Variants in PTPN14 observed in about 807,000 individuals in gnomAD.
PTPN14 encodes protein tyrosine phosphatase non-receptor type 14, also known as tyrosine-protein phosphatase non-receptor type 14.
PTPN14 carries 53 observed loss-of-function variants against 126.8 expected under a neutral mutation model. That is an observed-to-expected ratio of 0.42 (90% CI 0.34 to 0.53). The LOEUF is 0.53. PTPN14 is among the 20% of genes least tolerant of loss of function. The pLI is 0.08. For synonymous variants in PTPN14, 630 were observed against 599.3 expected (o/e 1.05, Z -0.75); for missense variants, 1,257 against 1,552.9 (o/e 0.81, Z 3.20).
Position 214,357,385 on chromosome 1 carries a change from T to C in PTPN14, c.*537A>G, listed in dbSNP as rs979154006. The C allele has an allele frequency of 1.3e-5, 2 of 152,296 alleles. No homozygotes were observed. Among genetic ancestry groups the C allele is most frequent in the Admixed American group, 6.5e-5 (1 of 15,292 alleles). The allele number at this position is 152,296 out of a possible 1,614,324, so 9.4% of individuals were successfully genotyped here. A position where few individuals can be genotyped will look rare whatever the true frequency, so the allele number is the denominator to read the frequency against. On this transcript the variant is annotated 3_prime_UTR_variant, in exon 19 of 19. Transcript: ENST00000366956. ...AGAGGAAACTGTCTATCAAGGCTCA[T>C]GAGCCCCAAAATATAAGAGAATCGT...
chr1:214,465,951 CTTTTTTTTT>C (rs71165974), intron 1 of PTPN14, among the ~76,000 whole-genome samples: 1 of 59,024 alleles, frequency 1.7e-5, no homozygotes, highest in South Asian at 8.2e-4. Flanking sequence ...CAGTTACTTC[CTTTTTTTTT>C]TTTTTTTTTT....
chr1:214,389,275 A>G (rs558758208), intron 11 of PTPN14, among the ~76,000 whole-genome samples: 1 of 152,396 alleles, frequency 6.6e-6, no homozygotes, highest in South Asian at 2.1e-4. Context: ...ATGAACTGAC[A>G]TAAATGAGCA....
rs1230547732 is a variant in PTPN14, at chr1:214,349,305, G to T, written c.*8617C>A. On this transcript the variant is annotated 3_prime_UTR_variant, in exon 19 of 19. Transcript: ENST00000366956. ...TGGGTCAGCCCACAAAAGCCAACCAGATCTGGCTATCACAGCCCTCCATTT... is the reference window on the plus strand; with the variant it reads ...TGGGTCAGCCCACAAAAGCCAACCATATCTGGCTATCACAGCCCTCCATTT... The T allele has an allele frequency of 6.6e-6, 1 of 152,244 alleles. No homozygotes were observed. The highest frequency in any genetic ancestry group is 1.9e-4 in the East Asian group (1 of 5,200). The allele number at this position is 152,244 out of a possible 1,614,324, so 9.4% of individuals were successfully genotyped here. A position where few individuals can be genotyped will look rare whatever the true frequency, so the allele number is the denominator to read the frequency against.
rs752536121 is a variant in PTPN14 at position 214,377,939 on chromosome 1, T to C, written c.2688+20A>G. 4 of 1,606,918 alleles carry C rather than the reference T, an allele frequency of 2.5e-6. No homozygotes were observed. The highest frequency in any genetic ancestry group is 3.4e-5 in the Admixed American group (2 of 58,664). On this transcript the variant is annotated intron_variant, in intron 14 of 18. Coordinates refer to ENST00000366956, the MANE Select transcript of PTPN14 (RefSeq NM_005401.5). ...CTAAGACTACAGAGAATGAGTCACA[T>C]TGACAAGCCTGCCACTTACCCTCTC...
chr1:214,515,107 G>T (rs997551422), intron 1 of PTPN14, among the ~76,000 whole-genome samples: 4 of 152,188 alleles, frequency 2.6e-5, no homozygotes, highest in Non-Finnish European at 1.5e-5. Context: ...GGGAATGGCA[G>T]CTTTTCCATG....
At chr1:214,367,165 T>C (rs1658100912) in intron 17 of PTPN14, among the ~76,000 whole-genome samples, 1 of 152,100 alleles carries the variant, frequency 6.6e-6, no homozygotes, top group Admixed American at 6.6e-5. Context: ...TTGGAGAAAA[T>C]TTTAATAAGT....
intron 1 of PTPN14, among the ~76,000 whole-genome samples, chr1:214,502,588 G>C (rs1654734267): frequency 6.6e-6 from 1 of 151,994 alleles, no homozygotes; most frequent in African/African-American, 2.4e-5. Flanking sequence ...CATACTCCCG[G>C]TATCAAGTAA....
At chr1:214,361,357 A>G (rs1380497002) in intron 18 of PTPN14, among the ~76,000 whole-genome samples, 1 of 152,144 alleles carries the variant, frequency 6.6e-6, no homozygotes, top group East Asian at 1.9e-4. Context: ...CTCCTCTACC[A>G]TCATCCCCAT....
Position 214,356,912 on chromosome 1 carries a change from C to T in PTPN14, c.*1010G>A, listed in dbSNP as rs1657834969. ...GTGACCTCAACTTTTAGGTCTCTGT[C>T]CAGCACACACATCTTATTTAAATAA... On this transcript the variant is annotated 3_prime_UTR_variant, in exon 19 of 19. Transcript: ENST00000366956. The T allele has an allele frequency of 1.3e-5, 2 of 152,198 alleles. No individual in the cohort carries two copies. The highest frequency in any genetic ancestry group is 2.1e-4 in the South Asian group (1 of 4,830). 9.4% of individuals were successfully genotyped at this position (152,198 alleles called of 1,614,324 possible). A position where few individuals can be genotyped will look rare whatever the true frequency, so the allele number is the denominator to read the frequency against.
intron 1 of PTPN14, among the ~76,000 whole-genome samples, chr1:214,549,350 T>C (rs1272028871): frequency 1.3e-5 from 2 of 152,234 alleles, no homozygotes; most frequent in Non-Finnish European, 2.9e-5. Flanking sequence ...GATAGTGTTT[T>C]CTATTTTCAT....
chr1:214,533,534 T>TAAAAAA, intron 1 of PTPN14: 1 of 208,808 alleles, frequency 4.8e-6, no homozygotes, highest in Non-Finnish European at 9.1e-6. Context: ...GCGGTTTAAA[T>TAAAAAA]AAAAAAAAAA....
At chr1:214,373,804 T>C (rs1658277850) in intron 15 of PTPN14, among the ~76,000 whole-genome samples, 1 of 152,172 alleles carries the variant, frequency 6.6e-6, no homozygotes, top group East Asian at 1.9e-4. Flanking sequence ...TCACTGCTGC[T>C]CTGTGGTGCC....
At chr1:214,417,028 A>G (rs920507647) in intron 3 of PTPN14, among the ~76,000 whole-genome samples, 1 of 152,106 alleles carries the variant, frequency 6.6e-6, no homozygotes, top group African/African-American at 2.4e-5. Flanking sequence ...AGGAAAAAAA[A>G]AAACAACAAT....
chr1:214,365,251 C>A (rs1479233496), intron 17 of PTPN14, among the ~76,000 whole-genome samples: 2 of 152,114 alleles, frequency 1.3e-5, no homozygotes, highest in Admixed American at 1.3e-4. Context: ...ATGTGAGTAG[C>A]CCAAGATGAA....
chr1:214,500,935 G>A (rs1428610487), intron 1 of PTPN14, among the ~76,000 whole-genome samples: 6 of 152,082 alleles, frequency 3.9e-5, no homozygotes, highest in East Asian at 1.9e-4. Context: ...CTGGTCCTTC[G>A]TAATTATTCA....
At position 214,383,252 on chromosome 1, in the gene PTPN14, C is replaced by A; in HGVS notation, c.2544+59G>T. 6.4e-7 allele frequency: 1 copy of A among 1,556,760 alleles called. No homozygotes were observed. The highest frequency in any genetic ancestry group is 8.7e-7 in the Non-Finnish European group (1 of 1,144,728). On this transcript the variant is annotated intron_variant, in intron 13 of 18. Transcript: ENST00000366956. The surrounding 1 kb of genome is among the most constrained non-coding windows in gnomAD (Gnocchi z 4.4). ...CCCTGCATAAGCCCTGCCCCTTGCT[C>A]AGTGCCTGAAGCATGTGCTTTCACA...
rs1300385405 is a variant in PTPN14 at position 214,509,791 on chromosome 1, T to C, written c.-155+41392A>G. ...AAGAAAATGTGGCACATATACACCA[T>C]GGAATACTATGCAGCCATAAAAAAG... On this transcript the variant is annotated intron_variant, in intron 1 of 18. Coordinates refer to ENST00000366956, the MANE Select transcript of PTPN14 (RefSeq NM_005401.5). 2.6e-5 allele frequency among the ~76,000 whole-genome samples: 4 copies of C among 152,166 alleles called. No homozygotes were observed. The South Asian group carries it at 6.2e-4, about 24-fold the overall frequency.
At chr1:214,386,077 G>A (rs1658601516) in intron 12 of PTPN14, among the ~76,000 whole-genome samples, 1 of 152,106 alleles carries the variant, frequency 6.6e-6, no homozygotes, top group African/African-American at 2.4e-5. Flanking sequence ...AATGCAGTTA[G>A]CATAACGATT....
Position 214,465,041 on chromosome 1 carries a change from C to A in PTPN14, c.-154-84G>T, listed in dbSNP as rs2102652843. 3 of 14,270 alleles carry A rather than the reference C, an allele frequency of 2.1e-4. 1 individual carries two copies. Among genetic ancestry groups the A allele is most frequent in the East Asian group, 1.7e-3 (1 of 602 alleles). 0.9% of individuals were successfully genotyped at this position (14,270 alleles called of 1,614,324 possible). Reference sequence around the variant, plus strand: ...ATATTCCACACACACAGAAGCCCCCCCCCCCCCCCACCCCGCCAAACAGAT... The same window carrying A: ...ATATTCCACACACACAGAAGCCCCCACCCCCCCCCACCCCGCCAAACAGAT... On this transcript the variant is annotated intron_variant, in intron 1 of 18. Transcript: ENST00000366956.
Sources: gnomAD v4.1 joint callset for allele counts (sites outside exome capture counted in the v4.1 genomes callset) on GRCh38, gnomAD v4.1.1 for gene constraint, Gnocchi (gnomAD v3.1) non-coding constraint, MANE v1.5 for transcripts, NCBI Gene and HGNC (gene_info 2026-07-23, HGNC 2026-07-21) for gene names.